Variants in HOOK1 observed in about 807,000 individuals in gnomAD.
HOOK1 encodes protein Hook homolog 1.
HOOK1 carries 60 observed loss-of-function variants against 112.8 expected under a neutral mutation model. That is an observed-to-expected ratio of 0.53 (90% CI 0.43 to 0.66). HOOK1 has a LOEUF of 0.66. Among genes scored for constraint, HOOK1 ranks in the 30% least tolerant of loss-of-function variants. The pLI is 0.00. For synonymous variants in HOOK1, 294 were observed against 283.8 expected (o/e 1.04, Z -0.36); for missense variants, 770 against 856.0 (o/e 0.90, Z 1.25).
At chr1:59,859,171 C>T (rs1265575236) in intron 14 of HOOK1, 126 bp downstream of exon 14, 3 of 340,002 alleles carry the variant, frequency 8.8e-6, no homozygotes, top group African/African-American at 6.5e-5. Context: ...GTTTGATCTA[C>T]TTAAACTTTC....
chr1:59,862,532 C>T (rs545668254), intron 15 of HOOK1, among the ~76,000 whole-genome samples: 62 of 151,966 alleles, frequency 4.1e-4, no homozygotes, highest in Non-Finnish European at 6.8e-4. Context: ...TTTTTGCCAC[C>T]GACATTTAAG....
At position 59,873,193 on chromosome 1, in the gene HOOK1, GT is replaced by G; in HGVS notation, c.*230del. On this transcript the variant is annotated 3_prime_UTR_variant, in exon 22 of 22. Transcript: ENST00000371208. ...GCACATTTGAATAATTGGAGATGCAGTTATACACACATTTCAAACAAACATT... is the reference window on the plus strand; with the variant it reads ...GCACATTTGAATAATTGGAGATGCAGTATACACACATTTCAAACAAACATT... 1 of 343,962 alleles carries G rather than the reference GT, an allele frequency of 2.9e-6. No individual in the cohort carries two copies. The highest frequency in any genetic ancestry group is 5.2e-6 in the Non-Finnish European group (1 of 192,828). The allele number at this position is 343,962 out of a possible 1,614,324, so 21.3% of individuals were successfully genotyped here.
At chr1:59,846,479 T>C (rs1208818688) in intron 9 of HOOK1, among the ~76,000 whole-genome samples, 1 of 151,502 alleles carries the variant, frequency 6.6e-6, no homozygotes, top group Admixed American at 6.6e-5. Flanking sequence ...ACTTAGATCA[T>C]TGATTTTAAT....
At chr1:59,838,119 A>G (rs779285986) in intron 7 of HOOK1, among the ~76,000 whole-genome samples, 1 of 152,098 alleles carries the variant, frequency 6.6e-6, no homozygotes, top group African/African-American at 2.4e-5. Flanking sequence ...GTTGGTTCCA[A>G]GTCTTTGCTA....
At chr1:59,842,368 T>G (rs1472194948) in intron 8 of HOOK1, among the ~76,000 whole-genome samples, 1 of 152,130 alleles carries the variant, frequency 6.6e-6, no homozygotes, top group Non-Finnish European at 1.5e-5. Context: ...TTATTATGCA[T>G]GACAGGTAAT....
chr1:59,815,406 G>A (rs965167423), intron 1 of HOOK1: 6 of 576,122 alleles, frequency 1.0e-5, no homozygotes, highest in Middle Eastern at 4.6e-4. Flanking sequence ...CTCTGGGAGC[G>A]TAACAGTGGA....
At chr1:59,828,910 T>C in intron 3 of HOOK1, 58 bp downstream of exon 3, 1 of 1,311,700 alleles carries the variant, frequency 7.6e-7, no homozygotes, top group East Asian at 2.3e-5. Context: ...AAGTTAGCAC[T>C]AAGTTAACCA....
chr1:59,863,754 G>A (rs2098414823), intron 16 of HOOK1: 4 of 563,968 alleles, frequency 7.1e-6, no homozygotes, highest in Non-Finnish European at 9.0e-6. Flanking sequence ...TGAAAGAGTT[G>A]CATTTTCTTT....
At chr1:59,825,758 C>T (rs990268567) in intron 2 of HOOK1, among the ~76,000 whole-genome samples, 9 of 152,098 alleles carry the variant, frequency 5.9e-5, no homozygotes, top group Non-Finnish European at 1.3e-4. Context: ...TGAAGTCATC[C>T]CAATAGATTT....
chr1:59,850,467 A>G (rs1010152377), intron 12 of HOOK1, among the ~76,000 whole-genome samples: 1 of 151,240 alleles, frequency 6.6e-6, no homozygotes, highest in African/African-American at 2.4e-5. Flanking sequence ...ACAAAGATTT[A>G]CCCTGTGTTT....
chr1:59,853,587 A>G (rs2098408412), intron 12 of HOOK1, among the ~76,000 whole-genome samples: 1 of 152,018 alleles, frequency 6.6e-6, no homozygotes, highest in African/African-American at 2.4e-5. Context: ...ATTTACATTT[A>G]ATGTAATTAC....
chr1:59,819,125 C>T (rs566040949), intron 1 of HOOK1, among the ~76,000 whole-genome samples: 160 of 148,122 alleles, frequency 1.1e-3, no homozygotes, highest in African/African-American at 3.6e-3. Flanking sequence ...TGACCTCACT[C>T]GCCCCAATAA....
intron 9 of HOOK1, among the ~76,000 whole-genome samples, chr1:59,845,170 T>A (rs1436953297): frequency 2.0e-5 from 3 of 151,944 alleles, no homozygotes; most frequent in Non-Finnish European, 4.4e-5. Context: ...TGGCTTCCTC[T>A]TGCTGAATCC....
At chr1:59,842,864 C>G (rs1015742988) in intron 8 of HOOK1, among the ~76,000 whole-genome samples, 1 of 152,024 alleles carries the variant, frequency 6.6e-6, no homozygotes, top group Non-Finnish European at 1.5e-5. Flanking sequence ...TGTGGTTCTA[C>G]ACTAACATGT....
chr1:59,818,255 T>C (rs2098383016), intron 1 of HOOK1, among the ~76,000 whole-genome samples: 1 of 152,148 alleles, frequency 6.6e-6, no homozygotes, highest in South Asian at 2.1e-4. Flanking sequence ...AAAGTTATGA[T>C]GGGGCCAAAT....
intron 9 of HOOK1, among the ~76,000 whole-genome samples, chr1:59,846,564 T>TCCC (rs1559053104): frequency 1.2e-4 from 8 of 69,100 alleles, no homozygotes; most frequent in African/African-American, 5.3e-4. Context: ...CCTTCCTTCC[T>TCCC]TCCTTCCTTC....
At chr1:59,831,052 C>A (rs1045862833) in intron 3 of HOOK1, among the ~76,000 whole-genome samples, 2 of 152,048 alleles carry the variant, frequency 1.3e-5, no homozygotes, top group African/African-American at 4.8e-5. Flanking sequence ...AGGTGCCCAC[C>A]ACCATGCCTG....
chr1:59,842,959 A>C (rs985399852), intron 8 of HOOK1, among the ~76,000 whole-genome samples: 1 of 152,026 alleles, frequency 6.6e-6, no homozygotes, highest in South Asian at 2.1e-4. Context: ...CATTAACCAA[A>C]TGTGCTTATT....
chr1:59,847,273 G>GGATT, intron 10 of HOOK1, 88 bp downstream of exon 10: 1 of 1,127,914 alleles, frequency 8.9e-7, no homozygotes. Flanking sequence ...GGGATTCATA[G>GGATT]GATTATTCCT....
Sources: gnomAD v4.1 joint callset for allele counts (sites outside exome capture counted in the v4.1 genomes callset) on GRCh38, gnomAD v4.1.1 for gene constraint, MANE v1.5 for transcripts, NCBI Gene and HGNC (gene_info 2026-07-23, HGNC 2026-07-21) for gene names.